PRMT8: variants seen among roughly 807,000 people sequenced by gnomAD.
The protein encoded by PRMT8 is protein arginine N-methyltransferase 8.
A neutral mutation model predicts 47.1 loss-of-function variants in PRMT8; 7 were observed. That is an observed-to-expected ratio of 0.15 (90% CI 0.08 to 0.28). The LOEUF is 0.28. Ranked by LOEUF, PRMT8 falls within the 10% of genes least tolerant of loss-of-function variation. The pLI is 1.00. For missense variants in PRMT8, 237 were observed against 505.4 expected (o/e 0.47, Z 5.09); for synonymous variants, 188 against 186.5 (o/e 1.01, Z -0.07).
At chr12:3,404,183 T>C (rs529156232) in intron 1 of PRMT8, among the ~76,000 whole-genome samples, 1 of 152,264 alleles carries the variant, frequency 6.6e-6, no homozygotes, top group Non-Finnish European at 1.5e-5. Flanking sequence ...TTTTCTGAAA[T>C]TGGTATGTAT....
At chr12:3,484,242 G>A (rs1865301155) in intron 1 of PRMT8, among the ~76,000 whole-genome samples, 1 of 152,152 alleles carries the variant, frequency 6.6e-6, no homozygotes, top group Non-Finnish European at 1.5e-5. Flanking sequence ...AGTCTTTGCT[G>A]TCATTTGGAG....
intron 1 of PRMT8, among the ~76,000 whole-genome samples, chr12:3,402,085 A>G (rs1461484064): frequency 6.6e-6 from 1 of 152,192 alleles, no homozygotes; most frequent in Non-Finnish European, 1.5e-5. Flanking sequence ...AAACTATACT[A>G]CACAGCTACA....
intron 1 of PRMT8, among the ~76,000 whole-genome samples, chr12:3,389,311 G>A (rs1296694600): frequency 6.6e-6 from 1 of 152,134 alleles, no homozygotes; most frequent in African/African-American, 2.4e-5. Context: ...AGACAGATCT[G>A]GGGCTGGAAC....
rs575495309 is a variant in PRMT8 at position 3,514,818 on chromosome 12, C to T, written c.75+23118C>T. Among the ~76,000 whole-genome samples, 68 of 152,220 alleles carry T rather than the reference C, an allele frequency of 4.5e-4. No individual in the cohort carries two copies. Among genetic ancestry groups the T allele is most frequent in the African/African-American group, 1.6e-3 (66 of 41,522 alleles). On this transcript the variant is annotated intron_variant, in intron 1 of 9. Transcript: ENST00000382622. The surrounding 1 kb of genome is among the most constrained non-coding windows in gnomAD (Gnocchi z 5.9). ...GACCTGAAACTTTCGTGTAGCAGAC[C>T]CCATACTCCTTCATGGCTTCTGGGT...
At chr12:3,411,105 A>G (rs1315020874) in intron 1 of PRMT8, among the ~76,000 whole-genome samples, 1 of 152,190 alleles carries the variant, frequency 6.6e-6, no homozygotes, top group Non-Finnish European at 1.5e-5. Flanking sequence ...TAACTAGAGC[A>G]TAGCTCTTTG....
chr12:3,465,281 AATATAT>A (rs568541997), intron 1 of PRMT8, among the ~76,000 whole-genome samples: 1 of 112,516 alleles, frequency 8.9e-6, no homozygotes, highest in African/African-American at 2.7e-5. Flanking sequence ...AAAAATAAAA[AATATAT>A]AATATATAAT....
At chr12:3,544,379 G>A (rs865944156) in intron 2 of PRMT8, among the ~76,000 whole-genome samples, 9 of 152,172 alleles carry the variant, frequency 5.9e-5, no homozygotes, top group Non-Finnish European at 1.2e-4. Context: ...CCAAAAAAGC[G>A]ACAAAGGCAA....
At chr12:3,522,379 G>A (rs996043663) in intron 1 of PRMT8, among the ~76,000 whole-genome samples, 4 of 152,036 alleles carry the variant, frequency 2.6e-5, no homozygotes, top group Non-Finnish European at 5.9e-5. Context: ...AGAAAAACAA[G>A]CTCAGGCCGG....
At chr12:3,465,229 A>T (rs879258795) in intron 1 of PRMT8, among the ~76,000 whole-genome samples, 134 of 142,758 alleles carry the variant, frequency 9.4e-4, no homozygotes, top group East Asian at 4.3e-3. Flanking sequence ...ATAAATATAA[A>T]ATATATATAT....
In PRMT8 at chr12:3,485,974, A is replaced by G. The variant is rs76405723; in HGVS notation, c.49-54632A>G. 7.8e-3 allele frequency among the ~76,000 whole-genome samples: 1,180 copies of G among 152,174 alleles called. 14 individuals carry two copies. Among genetic ancestry groups the G allele is most frequent in the African/African-American group, 0.026 (1,091 of 41,568 alleles). On this transcript the variant is annotated intron_variant, in intron 1 of 9. Transcript: ENST00000452611. Reference sequence around the variant, plus strand: ...CTTTGTTTTACCACCTCCACTCATTATGCGTTTTCAGGTCGGGTTGCCCTG... The same window carrying G: ...CTTTGTTTTACCACCTCCACTCATTGTGCGTTTTCAGGTCGGGTTGCCCTG...
intron 1 of PRMT8, among the ~76,000 whole-genome samples, chr12:3,448,546 T>C (rs1197833343): frequency 6.6e-6 from 1 of 152,176 alleles, no homozygotes; most frequent in African/African-American, 2.4e-5. Context: ...TACTTCTTTG[T>C]TGTAGGAAGT....
At chr12:3,573,129 A>G (rs1866879780) in intron 6 of PRMT8, among the ~76,000 whole-genome samples, 1 of 152,028 alleles carries the variant, frequency 6.6e-6, no homozygotes, top group South Asian at 2.1e-4. Flanking sequence ...ATATGAAATA[A>G]TGTTTGATAT....
chr12:3,452,670 A>G (rs1394347552), intron 1 of PRMT8, among the ~76,000 whole-genome samples: 1 of 152,162 alleles, frequency 6.6e-6, no homozygotes, highest in African/African-American at 2.4e-5. Context: ...GCTTTATCCT[A>G]GGAACAGGGT....
At chr12:3,407,410 C>T (rs2137054181) in intron 1 of PRMT8, among the ~76,000 whole-genome samples, 1 of 152,072 alleles carries the variant, frequency 6.6e-6, no homozygotes, top group East Asian at 1.9e-4. Context: ...TCATCCTATT[C>T]TATCCTGCAT....
chr12:3,459,926 C>T (rs796349390), intron 1 of PRMT8, among the ~76,000 whole-genome samples: 1 of 152,138 alleles, frequency 6.6e-6, no homozygotes, highest in Non-Finnish European at 1.5e-5. Flanking sequence ...TGAGAGGCCC[C>T]CGTGCCCTCC....
intron 1 of PRMT8, among the ~76,000 whole-genome samples, chr12:3,450,125 C>A (rs1415819993): frequency 6.6e-6 from 1 of 152,138 alleles, no homozygotes; most frequent in Non-Finnish European, 1.5e-5. Context: ...GAAAGCGTAT[C>A]TTAATAGCTT....
At chr12:3,442,056 A>G (rs1864808598) in intron 1 of PRMT8, among the ~76,000 whole-genome samples, 1 of 152,206 alleles carries the variant, frequency 6.6e-6, no homozygotes. Flanking sequence ...CTCATAGCAA[A>G]TGCTATTCAA....
chr12:3,568,186 T>TA (rs1565444461), intron 4 of PRMT8, among the ~76,000 whole-genome samples: 1 of 151,620 alleles, frequency 6.6e-6, no homozygotes, highest in East Asian at 1.9e-4. Flanking sequence ...GAAGAGGAAA[T>TA]ATATTTACCA....
chr12:3,546,111 G>T (rs1028812323), intron 2 of PRMT8, among the ~76,000 whole-genome samples: 2 of 152,168 alleles, frequency 1.3e-5, no homozygotes, highest in African/African-American at 4.8e-5. Flanking sequence ...GGTCACAGAA[G>T]AAGTCACAGA....
Sources: gnomAD v4.1 joint callset for allele counts (sites outside exome capture counted in the v4.1 genomes callset) on GRCh38, gnomAD v4.1.1 for gene constraint, Gnocchi (gnomAD v3.1) non-coding constraint, MANE v1.5 for transcripts, NCBI Gene and HGNC (gene_info 2026-07-23, HGNC 2026-07-21) for gene names.